Variants in KIAA1958 observed in about 807,000 individuals in gnomAD.
KIAA1958 encodes the protein uncharacterized protein KIAA1958.
Under a neutral mutation model 47.2 loss-of-function variants are expected in KIAA1958, and 14 were observed. The observed-to-expected ratio is 0.30, with a 90% CI of 0.20 to 0.46. KIAA1958 has a LOEUF of 0.46. Among genes scored for constraint, KIAA1958 ranks in the 20% least tolerant of loss-of-function variants. The pLI, the probability that KIAA1958 is intolerant of heterozygous loss-of-function variation, is 1.00. For missense variants in KIAA1958, 803 were observed against 909.2 expected, an observed-to-expected ratio of 0.88 and a Z score of 1.50; for synonymous variants, 354 against 353.3, an observed-to-expected ratio of 1.00 and a Z score of -0.02.
intron 1 of KIAA1958, among the ~76,000 whole-genome samples, chr9:112,501,088 G>A (rs561072144): frequency 6.6e-6 from 1 of 152,080 alleles, no homozygotes; most frequent in Admixed American, 6.6e-5. Flanking sequence ...TCATTCCACT[G>A]TACTCCAGTC....
chr9:112,581,832 C>A, intron 2 of KIAA1958: 1 of 232,608 alleles, frequency 4.3e-6, no homozygotes, highest in South Asian at 7.3e-5. Context: ...AGAACACCAC[C>A]AAGGTGAGGT....
chr9:112,503,364 C>G (rs1407820909), intron 1 of KIAA1958, among the ~76,000 whole-genome samples: 3 of 151,994 alleles, frequency 2.0e-5, no homozygotes, highest in African/African-American at 7.2e-5. Flanking sequence ...ACAAGAATTT[C>G]AAGAGCTGGC....
chr9:112,650,266 C>G (rs1837035282), intron 3 of KIAA1958, among the ~76,000 whole-genome samples: 1 of 152,144 alleles, frequency 6.6e-6, no homozygotes, highest in Non-Finnish European at 1.5e-5. Context: ...AGAAGCTCTT[C>G]AGGCAGAAGC....
chr9:112,622,663 A>G (rs540957274), intron 2 of KIAA1958, among the ~76,000 whole-genome samples: 1 of 152,200 alleles, frequency 6.6e-6, no homozygotes, highest in South Asian at 2.1e-4. Context: ...CCTATGTTAA[A>G]TCACTGCCTG....
chr9:112,652,067 T>TG (rs1330191933), intron 3 of KIAA1958, among the ~76,000 whole-genome samples: 1 of 152,126 alleles, frequency 6.6e-6, no homozygotes, highest in Non-Finnish European at 1.5e-5. Flanking sequence ...GGTCTCACTA[T>TG]GTTACCCAGG....
chr9:112,524,446 C>T (rs1834606338), intron 1 of KIAA1958, among the ~76,000 whole-genome samples: 1 of 152,148 alleles, frequency 6.6e-6, no homozygotes, highest in Non-Finnish European at 1.5e-5. Flanking sequence ...AGAAAGCGGC[C>T]TTAAAAAAAT....
chr9:112,603,725 T>TA (rs1273214827), intron 2 of KIAA1958, among the ~76,000 whole-genome samples: 1 of 152,222 alleles, frequency 6.6e-6, no homozygotes, highest in African/African-American at 2.4e-5. Flanking sequence ...ATCAGGGACT[T>TA]ACCTTTGACT....
intron 1 of KIAA1958, among the ~76,000 whole-genome samples, chr9:112,544,892 A>G (rs976232531): frequency 2.0e-5 from 3 of 152,032 alleles, no homozygotes; most frequent in African/African-American, 7.2e-5. Flanking sequence ...CCCAGCTACA[A>G]TCTAATTTTT....
intron 2 of KIAA1958, among the ~76,000 whole-genome samples, chr9:112,625,122 C>T (rs1328461249): frequency 6.6e-6 from 1 of 152,022 alleles, no homozygotes; most frequent in Non-Finnish European, 1.5e-5. Context: ...AAATTGGAAA[C>T]ATTTAATCTA....
intron 1 of KIAA1958, among the ~76,000 whole-genome samples, chr9:112,549,007 G>C (rs533671779): frequency 6.6e-6 from 1 of 152,276 alleles, no homozygotes; most frequent in African/African-American, 2.4e-5. Context: ...GCTTGGTCTC[G>C]GACCTTTAGC....
chr9:112,561,930 A>G (rs529812925), intron 1 of KIAA1958, among the ~76,000 whole-genome samples: 2 of 152,318 alleles, frequency 1.3e-5, no homozygotes, highest in African/African-American at 2.4e-5. Context: ...AATAGATCAT[A>G]TAGTTGGTCT....
chr9:112,563,326 A>G (rs1835371320), intron 1 of KIAA1958, among the ~76,000 whole-genome samples: 1 of 152,126 alleles, frequency 6.6e-6, no homozygotes, highest in South Asian at 2.1e-4. Flanking sequence ...GAATAATTGC[A>G]AACCTAATGA....
Position 112,618,940 on chromosome 9 carries a change from A to G in KIAA1958, c.1172-26710A>G. 6.7e-7 allele frequency: 1 copy of G among 1,499,982 alleles called. No homozygotes were observed. The allele number at this position is 1,499,982 out of a possible 1,614,324, so 92.9% of individuals were successfully genotyped here. A position where few individuals can be genotyped will look rare whatever the true frequency, so the allele number is the denominator to read the frequency against. On this transcript the variant is annotated intron_variant, in intron 2 of 3. Coordinates refer to ENST00000337530, the MANE Select transcript of KIAA1958 (RefSeq NM_133465.4). This position sits in a 1 kb window ranked among gnomAD's most constrained non-coding sequence, Gnocchi z 7.1. ...GACCAGGTGGCTTGAGCAAGACTCC[A>G]GTTTGGTTACTGTGTCCGGAGAAAC...
Position 112,666,542 on chromosome 9 carries a change from G to A in KIAA1958, c.*6473G>A, listed in dbSNP as rs186688323. On this transcript the variant is annotated 3_prime_UTR_variant, in exon 4 of 4. Transcript: ENST00000337530. ...AGCTGCATCTGGCAAAATGACATCC[G>A]GCTCACAGAAGACCCTAGTGAGCTT... 4.7e-4 allele frequency: 71 copies of A among 152,126 alleles called. No homozygotes were observed. The highest frequency in any genetic ancestry group is 3.4e-3 in the Middle Eastern group (1 of 294). The allele number at this position is 152,126 out of a possible 1,614,324, so 9.4% of individuals were successfully genotyped here.
intron 1 of KIAA1958, among the ~76,000 whole-genome samples, chr9:112,527,109 T>C (rs1179578047): frequency 1.3e-5 from 2 of 152,210 alleles, no homozygotes; most frequent in Non-Finnish European, 2.9e-5. Context: ...TCTTTTTCTT[T>C]AGAGATAGGG....
chr9:112,552,155 G>T lies in KIAA1958; in HGVS notation c.-24-21902G>T, dbSNP rs117567309. ...GAACATCTGGACCACGAGGATCCCT[G>T]TAGTTTTATTTGTGAGAGTATTGAG... On this transcript the variant is annotated intron_variant, in intron 1 of 3. Coordinates refer to ENST00000337530, the MANE Select transcript of KIAA1958 (RefSeq NM_133465.4). Among the ~76,000 whole-genome samples the T allele has an allele frequency of 8.9e-3, 1,357 of 152,296 alleles. 20 individuals carry two copies. The highest frequency in any genetic ancestry group is 0.011 in the East Asian group (58 of 5,180).
At chr9:112,621,039 G>A (rs1836496322) in intron 2 of KIAA1958, among the ~76,000 whole-genome samples, 1 of 148,396 alleles carries the variant, frequency 6.7e-6, no homozygotes, top group East Asian at 1.9e-4. Flanking sequence ...AGAAATGGTA[G>A]TCTGTCATTT....
intron 1 of KIAA1958, among the ~76,000 whole-genome samples, chr9:112,525,586 C>T (rs566729728): frequency 4.9e-4 from 74 of 152,274 alleles, no homozygotes; most frequent in African/African-American, 1.7e-3. Context: ...CCTGCTTTAT[C>T]GGTGTTTATT....
intron 2 of KIAA1958, among the ~76,000 whole-genome samples, chr9:112,592,116 T>C (rs188669966): frequency 6.6e-6 from 1 of 152,244 alleles, no homozygotes; most frequent in Admixed American, 6.5e-5. Context: ...AGCAGGTAAC[T>C]GGAATGAGTT....
Sources: gnomAD v4.1 joint callset for allele counts (sites outside exome capture counted in the v4.1 genomes callset) on GRCh38, gnomAD v4.1.1 for gene constraint, Gnocchi (gnomAD v3.1) non-coding constraint, MANE v1.5 for transcripts, NCBI Gene and HGNC (gene_info 2026-07-23, HGNC 2026-07-21) for gene names.